PALLD: variants seen among roughly 807,000 people sequenced by gnomAD.
The protein encoded by PALLD is palladin.
A neutral mutation model predicts 123.5 loss-of-function variants in PALLD; 61 were observed. That is an observed-to-expected ratio of 0.49 (90% CI 0.40 to 0.61). The LOEUF (loss-of-function observed/expected upper bound fraction) is 0.61, where lower values mean the gene tolerates loss of function less well. Among genes scored for constraint, PALLD ranks in the 20% least tolerant of loss-of-function variants. The probability of loss-of-function intolerance (pLI) is 0.00; values close to 1 mark genes in which losing one functional copy is unlikely to be tolerated. For missense variants in PALLD, 1,273 were observed against 1,377.0 expected (o/e 0.92, Z 1.20); for synonymous variants, 465 against 496.4 (o/e 0.94, Z 0.84).
chr4:168,641,932 G>A (rs953949183), intron 2 of PALLD, among the ~76,000 whole-genome samples: 1 of 152,202 alleles, frequency 6.6e-6, no homozygotes, highest in Admixed American at 6.5e-5. Flanking sequence ...GAGGCGGATA[G>A]ATGACTAGGG....
At chr4:168,746,185 T>C (rs1490753548) in intron 10 of PALLD, among the ~76,000 whole-genome samples, 1 of 151,504 alleles carries the variant, frequency 6.6e-6, no homozygotes, top group Non-Finnish European at 1.5e-5. Flanking sequence ...AAAATATAGA[T>C]ATGTGAATTC....
intron 2 of PALLD, among the ~76,000 whole-genome samples, chr4:168,600,922 T>C (rs181507949): frequency 1.1e-3 from 175 of 152,280 alleles, no homozygotes; most frequent in Non-Finnish European, 2.1e-3. Context: ...GGCTGTGATA[T>C]CTATGGTGCA....
intron 2 of PALLD, among the ~76,000 whole-genome samples, chr4:168,637,819 C>T (rs1241403231): frequency 6.6e-6 from 1 of 151,958 alleles, no homozygotes; most frequent in African/African-American, 2.4e-5. Context: ...TGGTGAGTAC[C>T]GGTAATCCCA....
intron 10 of PALLD, among the ~76,000 whole-genome samples, chr4:168,720,499 G>A (rs527748124): frequency 6.6e-6 from 1 of 152,130 alleles, no homozygotes; most frequent in Non-Finnish European, 1.5e-5. Context: ...ATTTTTTTCA[G>A]TTTGTTGTTA....
At chr4:168,766,154 C>T (rs111665884) in intron 10 of PALLD, among the ~76,000 whole-genome samples, 291 of 152,246 alleles carry the variant, frequency 1.9e-3, no homozygotes, top group African/African-American at 6.7e-3. Flanking sequence ...ATAATATCAA[C>T]GCAATAATAC....
In PALLD at chr4:168,926,604, G is replaced by C. The variant is rs182567903; in HGVS notation, c.*424G>C. On this transcript the variant is annotated 3_prime_UTR_variant, in exon 22 of 22. Coordinates refer to ENST00000505667, the MANE Select transcript of PALLD (RefSeq NM_001166108.2). ...ATTGCACAGAAAATACACATTTACT[G>C]TCCAATTTAAAACTTTGGAATTGCT... is the stretch of plus-strand genomic sequence containing the variant. 19 of 453,808 alleles carry C rather than the reference G, an allele frequency of 4.2e-5. No individual in the cohort carries two copies. In the East Asian group the frequency reaches 6.7e-4, roughly 16 times the overall value. The allele number at this position is 453,808 out of a possible 1,614,324, so 28.1% of individuals were successfully genotyped here. A position where few individuals can be genotyped will look rare whatever the true frequency, so the allele number is the denominator to read the frequency against.
intron 10 of PALLD, among the ~76,000 whole-genome samples, chr4:168,821,428 C>G (rs755622764): frequency 4.0e-5 from 6 of 151,702 alleles, no homozygotes; most frequent in African/African-American, 4.8e-5. Context: ...ATCATTCATC[C>G]CCTTTGGTAA....
At chr4:168,746,463 C>T (rs1730334116) in intron 10 of PALLD, among the ~76,000 whole-genome samples, 1 of 147,634 alleles carries the variant, frequency 6.8e-6, no homozygotes, top group South Asian at 2.2e-4. Context: ...ACAGAAAACC[C>T]GTGTGACACA....
At chr4:168,733,746 T>G (rs1315708272) in intron 10 of PALLD, among the ~76,000 whole-genome samples, 1 of 151,788 alleles carries the variant, frequency 6.6e-6, no homozygotes, top group Non-Finnish European at 1.5e-5. Context: ...TTTGTTTTAT[T>G]TTTTTGAGAC....
At position 168,625,500 on chromosome 4, in the gene PALLD, G is replaced by GAGATAGATAGATAGATAGAT. The variant is rs148655486; in HGVS notation, c.909-42685_909-42684insGATAGATAGATAGATAGATA. ...TATCCAATAAGGGATTAATATCCAG[G>GAGATAGATAGATAGATAGAT]AGATATATATATATATATCCTATAA... On this transcript the variant is annotated intron_variant, in intron 2 of 21. Coordinates refer to ENST00000505667, the MANE Select transcript of PALLD (RefSeq NM_001166108.2). Among the ~76,000 whole-genome samples the GAGATAGATAGATAGATAGAT allele has an allele frequency of 2.6e-3, 92 of 35,188 alleles. 2 individuals are homozygous for GAGATAGATAGATAGATAGAT. Among genetic ancestry groups the GAGATAGATAGATAGATAGAT allele is most frequent in the Middle Eastern group, 0.025 (2 of 80 alleles). 23.1% of individuals were successfully genotyped at this position (35,188 alleles called of 152,430 possible).
intron 2 of PALLD, among the ~76,000 whole-genome samples, chr4:168,603,457 T>C (rs979331980): frequency 6.6e-6 from 1 of 152,228 alleles, no homozygotes; most frequent in Non-Finnish European, 1.5e-5. Flanking sequence ...CAGTTAATTA[T>C]GAATGTATAA....
chr4:168,722,761 T>C (rs746321660), intron 10 of PALLD, among the ~76,000 whole-genome samples: 2 of 152,220 alleles, frequency 1.3e-5, no homozygotes, highest in African/African-American at 2.4e-5. Context: ...ACAGGACATA[T>C]GTCTTTGGCA....
At chr4:168,805,107 G>A (rs376553750) in intron 10 of PALLD, among the ~76,000 whole-genome samples, 6 of 151,674 alleles carry the variant, frequency 4.0e-5, no homozygotes, top group East Asian at 1.9e-4. Context: ...GCAGTGAGCC[G>A]AGATTGCGCC....
intron 2 of PALLD, among the ~76,000 whole-genome samples, chr4:168,571,340 C>G (rs1768961562): frequency 6.6e-6 from 1 of 152,080 alleles, no homozygotes; most frequent in Non-Finnish European, 1.5e-5. Flanking sequence ...ACTAAGATAA[C>G]TTTTTTCCCC....
intron 10 of PALLD, among the ~76,000 whole-genome samples, chr4:168,786,529 A>G (rs1477086961): frequency 1.3e-5 from 2 of 152,110 alleles, no homozygotes; most frequent in Non-Finnish European, 2.9e-5. Context: ...TTTTTAAAAA[A>G]ATTATCCAGG....
chr4:168,798,338 G>T (rs934473841), intron 10 of PALLD, among the ~76,000 whole-genome samples: 1 of 152,032 alleles, frequency 6.6e-6, no homozygotes. Context: ...AAAATAAAGG[G>T]TTTTTTGTTT....
intron 2 of PALLD, among the ~76,000 whole-genome samples, chr4:168,631,453 G>A (rs1775792694): frequency 6.6e-6 from 1 of 152,218 alleles, no homozygotes; most frequent in African/African-American, 2.4e-5. Flanking sequence ...CCCCGCCCCT[G>A]GGCAACGCAA....
chr4:168,895,322 C>T (rs968800789), intron 12 of PALLD, among the ~76,000 whole-genome samples: 2 of 152,176 alleles, frequency 1.3e-5, no homozygotes, highest in Non-Finnish European at 2.9e-5. Context: ...GTGGAGGTTG[C>T]AGTGAGCTGA....
At chr4:168,639,754 C>T (rs1377942280) in intron 2 of PALLD, among the ~76,000 whole-genome samples, 2 of 152,024 alleles carry the variant, frequency 1.3e-5, no homozygotes, top group Non-Finnish European at 2.9e-5. Context: ...CCGTGTTAGC[C>T]AGGATGGTCT....
Sources: gnomAD v4.1 joint callset for allele counts (sites outside exome capture counted in the v4.1 genomes callset) on GRCh38, gnomAD v4.1.1 for gene constraint, MANE v1.5 for transcripts, NCBI Gene and HGNC (gene_info 2026-07-23, HGNC 2026-07-21) for gene names.